SCML4: variants seen among roughly 807,000 people sequenced by gnomAD.
The protein encoded by SCML4 is sex comb on midleg-like protein 4.
In SCML4, 34 loss-of-function variants were observed where a neutral mutation model predicts 41.1. The observed-to-expected ratio is 0.83, with a 90% CI of 0.63 to 1.10. The LOEUF is 1.10. Ranked by LOEUF, SCML4 falls within the 50% of genes least tolerant of loss-of-function variation. The probability of loss-of-function intolerance (pLI) is 0.00; values close to 1 mark genes in which losing one functional copy is unlikely to be tolerated. For missense variants in SCML4, 522 were observed against 534.1 expected (o/e 0.98, Z 0.22); for synonymous variants, 214 against 220.9 (o/e 0.97, Z 0.28).
intron 1 of SCML4, among the ~76,000 whole-genome samples, chr6:107,811,564 C>T (rs1784160164): frequency 6.6e-6 from 1 of 152,066 alleles, no homozygotes; most frequent in Non-Finnish European, 1.5e-5. Context: ...TGAGGGCTGC[C>T]CCAAATGCCC....
At chr6:107,812,964 T>C (rs1000459486) in intron 1 of SCML4, among the ~76,000 whole-genome samples, 2 of 151,686 alleles carry the variant, frequency 1.3e-5, no homozygotes, top group South Asian at 4.2e-4. Context: ...GTACACCTCC[T>C]GCATTCCTAA....
At chr6:107,825,126 G>A (rs764376472), upstream of SCML4, among the ~76,000 whole-genome samples, 7 of 152,246 alleles carry the variant, frequency 4.6e-5, no homozygotes, top group South Asian at 8.3e-4. Context: ...AATATATATC[G>A]GCGAAGGGAT....
chr6:107,708,976 C>G (rs1166029804), intron 6 of SCML4, among the ~76,000 whole-genome samples: 1 of 152,136 alleles, frequency 6.6e-6, no homozygotes, highest in Non-Finnish European at 1.5e-5. Context: ...TTTGTGTTTC[C>G]CACATTTAAT....
At chr6:107,767,221 G>T (rs958568953) in intron 2 of SCML4, among the ~76,000 whole-genome samples, 2 of 152,046 alleles carry the variant, frequency 1.3e-5, no homozygotes, top group African/African-American at 2.4e-5. Flanking sequence ...CTCCCAAAGT[G>T]CTGGGATTAC....
intron 5 of SCML4, among the ~76,000 whole-genome samples, chr6:107,722,128 C>T (rs996632312): frequency 2.6e-5 from 4 of 151,786 alleles, no homozygotes; most frequent in African/African-American, 7.3e-5. Context: ...TAGCTGGAAG[C>T]ACCATACCCG....
intron 5 of SCML4, among the ~76,000 whole-genome samples, chr6:107,740,361 T>G (rs1232504368): frequency 6.6e-6 from 1 of 152,158 alleles, no homozygotes; most frequent in Non-Finnish European, 1.5e-5. Context: ...ACAGTTTAAC[T>G]AGAAGAGAAA....
intron 1 of SCML4, among the ~76,000 whole-genome samples, chr6:107,788,593 C>T (rs112610614): frequency 9.2e-5 from 14 of 152,308 alleles, no homozygotes; most frequent in African/African-American, 3.1e-4. Flanking sequence ...TCTTTTTCTA[C>T]AGAGCATCAC....
Position 107,725,293 on chromosome 6 carries a change from A to G in SCML4, c.683-4300T>C, listed in dbSNP as rs560145103. Among the ~76,000 whole-genome samples the G allele has an allele frequency of 3.3e-5, 5 of 152,344 alleles. No homozygotes were observed. In the South Asian group the frequency reaches 1.0e-3, roughly 32 times the overall value. The stretch of plus-strand genomic sequence containing the variant: ...TTATATGAATGTAACAAATTATCAC[A>G]TGTACCCTAAAACTACATACATCTC... On this transcript the variant is annotated intron_variant, in intron 5 of 7. Transcript: ENST00000369020.
At chr6:107,725,662 C>T (rs966426268) in intron 5 of SCML4, among the ~76,000 whole-genome samples, 1 of 152,102 alleles carries the variant, frequency 6.6e-6, no homozygotes, top group Non-Finnish European at 1.5e-5. Flanking sequence ...TTATAAAACT[C>T]TTAGAAAGAA....
At chr6:107,743,369 A>G (rs373432922) in intron 5 of SCML4, among the ~76,000 whole-genome samples, 9 of 152,332 alleles carry the variant, frequency 5.9e-5, no homozygotes, top group East Asian at 5.8e-4. Context: ...ACAATGGGAG[A>G]TACGGGTTAT....
the SCML4 span, among the ~76,000 whole-genome samples, chr6:107,844,862 G>A: frequency 2.6e-5 from 4 of 151,194 alleles, no homozygotes; most frequent in Admixed American, 2.6e-4. Flanking sequence ...AGGAGCTGGA[G>A]ACCAGCCTAG....
At chr6:107,786,205 G>T (rs1781883942) in intron 1 of SCML4, among the ~76,000 whole-genome samples, 2 of 152,210 alleles carry the variant, frequency 1.3e-5, no homozygotes, top group African/African-American at 4.8e-5. Flanking sequence ...GGTCTCAGAA[G>T]CTTCTAATCT....
rs145487452 is a variant in SCML4, at chr6:107,811,829, GA to G, written c.-60+12296del. On this transcript the variant is annotated intron_variant, in intron 1 of 7. Coordinates refer to ENST00000369020, the MANE Select transcript of SCML4 (RefSeq NM_198081.5). The stretch of plus-strand genomic sequence containing the variant: ...ACAAGCAGAACCCAGAGGGGGACAT[GA>G]AAACGTCCAGCTTCCTTTATGGCTG... Among the ~76,000 whole-genome samples, 18 of 152,326 alleles carry G rather than the reference GA, an allele frequency of 1.2e-4. No homozygotes were observed. In the East Asian group the frequency reaches 3.5e-3, roughly 29 times the overall value.
rs543060112 is a variant in SCML4 at position 107,813,370 on chromosome 6, TTATATA to T, written c.-60+10750_-60+10755del. Among the ~76,000 whole-genome samples, 231 of 42,372 alleles carry T rather than the reference TTATATA, an allele frequency of 5.5e-3. 1 individual carries two copies. Among genetic ancestry groups the T allele is most frequent in the African/African-American group, 0.014 (105 of 7,282 alleles). The allele number at this position is 42,372 out of a possible 152,430, so 27.8% of individuals were successfully genotyped here. On this transcript the variant is annotated intron_variant, in intron 1 of 7. Coordinates refer to ENST00000369020, the MANE Select transcript of SCML4 (RefSeq NM_198081.5). The stretch of plus-strand genomic sequence containing the variant: ...AGAGTGAGACGCCATCTCAAAAAAA[TTATATA>T]TATATATATATATATATATATATAT...
chr6:107,734,235 G>T (rs1776837079), intron 5 of SCML4, among the ~76,000 whole-genome samples: 1 of 152,156 alleles, frequency 6.6e-6, no homozygotes, highest in Non-Finnish European at 1.5e-5. Flanking sequence ...CTCAGGTGCT[G>T]GCATCTTTAA....
chr6:107,809,643 C>A (rs938527778), intron 1 of SCML4, among the ~76,000 whole-genome samples: 3 of 152,068 alleles, frequency 2.0e-5, no homozygotes, highest in Non-Finnish European at 4.4e-5. Flanking sequence ...AGCAGTGATA[C>A]CTTCAATGAA....
At chr6:107,733,212 A>C (rs1245753689) in intron 5 of SCML4, among the ~76,000 whole-genome samples, 1 of 152,178 alleles carries the variant, frequency 6.6e-6, no homozygotes, top group African/African-American at 2.4e-5. Flanking sequence ...TTAAGCCCCT[A>C]AGTGTTGGGG....
At chr6:107,832,889 T>C in the SCML4 span, among the ~76,000 whole-genome samples, 3 of 152,240 alleles carry the variant, frequency 2.0e-5, no homozygotes, top group Non-Finnish European at 4.4e-5. Context: ...AAATGCTTGC[T>C]GTGGTTGAAT....
intron 5 of SCML4, among the ~76,000 whole-genome samples, chr6:107,727,879 T>C (rs1415585727): frequency 1.3e-5 from 2 of 152,248 alleles, no homozygotes; most frequent in Non-Finnish European, 2.9e-5. Flanking sequence ...GGGATACCAA[T>C]CCTTTTTGTG....
Sources: gnomAD v4.1 joint callset for allele counts (sites outside exome capture counted in the v4.1 genomes callset) on GRCh38, gnomAD v4.1.1 for gene constraint, MANE v1.5 for transcripts, NCBI Gene and HGNC (gene_info 2026-07-23, HGNC 2026-07-21) for gene names.